Variants in ARID4B observed in about 807,000 individuals in gnomAD.
The protein encoded by ARID4B is AT-rich interactive domain-containing protein 4B.
Under a neutral mutation model 147.5 loss-of-function variants are expected in ARID4B, and 26 were observed. The observed-to-expected ratio is 0.18, with a 90% CI of 0.13 to 0.24. ARID4B has a LOEUF of 0.24. Ranked by LOEUF, ARID4B falls within the 10% of genes least tolerant of loss-of-function variation. The pLI is 1.00. For synonymous variants in ARID4B, 512 were observed against 507.9 expected (o/e 1.01, Z -0.11); for missense variants, 1,179 against 1,511.5 (o/e 0.78, Z 3.65).
At chr1:235,236,516 G>C (rs1219534273) in intron 8 of ARID4B, among the ~76,000 whole-genome samples, 1 of 118,368 alleles carries the variant, frequency 8.4e-6, no homozygotes, top group African/African-American at 2.7e-5. Context: ...GTGTGTGTGT[G>C]TGTGTGTGTG....
intron 11 of ARID4B, among the ~76,000 whole-genome samples, chr1:235,226,233 C>T (rs10495361): frequency 0.29 from 44,625 of 152,106 alleles, 7,696 homozygotes; most frequent in South Asian, 0.53. Flanking sequence ...ATGACAGACA[C>T]TTTAAGTATG....
chr1:235,327,063 GAAGA>G (rs1479101586), intron 1 of ARID4B, 95 bp from the exon 2 acceptor site: 1 of 841,508 alleles, frequency 1.2e-6, no homozygotes, highest in Admixed American at 2.6e-5. Flanking sequence ...TCCGAACCCC[GAAGA>G]AAGAGCCGCA....
intron 2 of ARID4B, among the ~76,000 whole-genome samples, chr1:235,293,747 G>A (rs1672491103): frequency 6.6e-6 from 1 of 152,112 alleles, no homozygotes; most frequent in Admixed American, 6.5e-5. Flanking sequence ...CAGCCAGTTT[G>A]TCACTACCTA....
chr1:235,326,644 T>C (rs1675288440), intron 2 of ARID4B: 3 of 473,010 alleles, frequency 6.3e-6, no homozygotes, highest in African/African-American at 2.0e-5. Flanking sequence ...TAAAACACTT[T>C]AATTCATGCC....
At chr1:235,245,016 C>G (rs1166244961) in intron 7 of ARID4B, among the ~76,000 whole-genome samples, 3 of 152,110 alleles carry the variant, frequency 2.0e-5, no homozygotes, top group Non-Finnish European at 2.9e-5. Flanking sequence ...GAATGACCAA[C>G]CGTGGTAGAG....
chr1:235,238,943 T>C (rs1213938301), intron 8 of ARID4B, among the ~76,000 whole-genome samples: 1 of 151,560 alleles, frequency 6.6e-6, no homozygotes, highest in East Asian at 1.9e-4. Context: ...AATTCAGACA[T>C]ATCAAAATTT....
intron 2 of ARID4B, among the ~76,000 whole-genome samples, chr1:235,322,198 T>C (rs1225944188): frequency 6.6e-6 from 1 of 152,002 alleles, no homozygotes; most frequent in Non-Finnish European, 1.5e-5. Context: ...CCTGCTAATT[T>C]TGTATTTTTA....
chr1:235,198,340 C>T (rs1007958124), intron 17 of ARID4B, among the ~76,000 whole-genome samples: 1 of 152,172 alleles, frequency 6.6e-6, no homozygotes, highest in African/African-American at 2.4e-5. Context: ...TTTAAGAATA[C>T]ATGCATGATA....
At chr1:235,218,961 G>T (rs1307014622) in intron 16 of ARID4B, among the ~76,000 whole-genome samples, 3 of 150,996 alleles carry the variant, frequency 2.0e-5, no homozygotes, top group African/African-American at 7.3e-5. Flanking sequence ...TGCCTCCAGG[G>T]TTCAAGAGAT....
intron 2 of ARID4B, among the ~76,000 whole-genome samples, chr1:235,288,011 T>C (rs1419368774): frequency 6.6e-6 from 1 of 152,168 alleles, no homozygotes; most frequent in Non-Finnish European, 1.5e-5. Flanking sequence ...GTAAAAATAA[T>C]AAAACATTAA....
intron 23 of ARID4B, 135 bp downstream of exon 23, chr1:235,172,483 T>C: frequency 1.9e-6 from 1 of 525,264 alleles, no homozygotes; most frequent in Non-Finnish European, 3.1e-6. Flanking sequence ...GAAGCTGAGG[T>C]AGGAGAACTG....
chr1:235,307,534 T>C (rs1315867326), intron 2 of ARID4B, among the ~76,000 whole-genome samples: 1 of 152,208 alleles, frequency 6.6e-6, no homozygotes, highest in Non-Finnish European at 1.5e-5. Flanking sequence ...GAAGGTTGAC[T>C]GTTCTAAAGA....
At chr1:235,186,773 T>A (rs1435480965) in intron 19 of ARID4B, among the ~76,000 whole-genome samples, 1 of 152,096 alleles carries the variant, frequency 6.6e-6, no homozygotes, top group Non-Finnish European at 1.5e-5. Context: ...TTGCCCAGAC[T>A]GGAGTGCAGT....
At chr1:235,291,705 G>A (rs530110240) in intron 2 of ARID4B, among the ~76,000 whole-genome samples, 34 of 146,434 alleles carry the variant, frequency 2.3e-4, no homozygotes, top group Admixed American at 1.8e-3. Flanking sequence ...AAAATAGCCC[G>A]GGTGACATAG....
chr1:235,192,294 G>A (rs1465543877), intron 19 of ARID4B, among the ~76,000 whole-genome samples: 1 of 151,736 alleles, frequency 6.6e-6, no homozygotes, highest in Non-Finnish European at 1.5e-5. Flanking sequence ...AGTAAAGCAA[G>A]GATTACACAA....
At position 235,172,674 on chromosome 1, in the gene ARID4B, G is replaced by C. The variant is rs747442439; in HGVS notation, c.3755C>G (p.Ser1252Cys). 1.9e-6 allele frequency: 3 copies of C among 1,607,752 alleles called. No homozygotes were observed. The highest frequency in any genetic ancestry group is 2.5e-6 in the Non-Finnish European group (3 of 1,177,238). Residue 1252 changes from serine (S) to cysteine (C), a missense_variant, in exon 23 of 24, where the codon TCT becomes TGT. Ser to Cys is a moderately radical substitution (Grantham distance 112). Around this residue, in one of 10 missense-constraint regions of ARID4B, gnomAD observed 357 missense variants for 427.3 expected, o/e 0.84. Coordinates refer to ENST00000264183, the MANE Select transcript of ARID4B (RefSeq NM_016374.6). ...EIRKHYLSLK[S>C]EVASIDRRRK... is the part of the protein sequence containing the mutation. ...CCTCCGATCAATGGAAGCTACTTCA[G>C]ATTTTAATGACAGATAATGTTTTCT...
intron 17 of ARID4B, among the ~76,000 whole-genome samples, chr1:235,199,098 C>CA (rs1665702185): frequency 6.6e-6 from 1 of 151,792 alleles, no homozygotes; most frequent in African/African-American, 2.4e-5. Context: ...GACTCCGTCT[C>CA]AAAAAACAAA....
At chr1:235,204,108 C>T (rs1319698506) in intron 17 of ARID4B, among the ~76,000 whole-genome samples, 2 of 152,028 alleles carry the variant, frequency 1.3e-5, no homozygotes, top group Non-Finnish European at 2.9e-5. Context: ...CGGATCATGA[C>T]GTCAGGATTT....
chr1:235,292,163 T>C (rs1672382955), intron 2 of ARID4B, among the ~76,000 whole-genome samples: 1 of 152,230 alleles, frequency 6.6e-6, no homozygotes, highest in Admixed American at 6.5e-5. Context: ...TTATATTTCA[T>C]ATGATTTTGC....
Sources: gnomAD v4.1 joint callset for allele counts (sites outside exome capture counted in the v4.1 genomes callset) on GRCh38, gnomAD v4.1.1 for gene constraint, gnomAD v4.1.1 regional missense constraint, MANE v1.5 for transcripts, NCBI Gene and HGNC (gene_info 2026-07-23, HGNC 2026-07-21) for gene names.